ZBTB32: variants seen among roughly 807,000 people sequenced by gnomAD.
ZBTB32 encodes the protein zinc finger and BTB domain-containing protein 32.
In ZBTB32, 28 loss-of-function variants were observed where a neutral mutation model predicts 45.3. That is an observed-to-expected ratio of 0.62 (90% confidence interval 0.46 to 0.85). ZBTB32 has a LOEUF of 0.85. ZBTB32 is among the 40% of genes least tolerant of loss of function. The probability of loss-of-function intolerance (pLI) is 0.00; values close to 1 mark genes in which losing one functional copy is unlikely to be tolerated. For missense variants in ZBTB32, 587 were observed against 624.4 expected (o/e 0.94, Z 0.64); for synonymous variants, 283 against 255.7 (o/e 1.11, Z -1.02).
At chr19:35,710,710 G>A (rs1023423120) in intron 1 of ZBTB32, among the ~76,000 whole-genome samples, 2 of 152,254 alleles carry the variant, frequency 1.3e-5, no homozygotes, top group African/African-American at 2.4e-5. Context: ...CCGAGATGGC[G>A]CCACTGCACT....
Position 35,704,934 on chromosome 19 carries a change from G to A in ZBTB32, c.-222+311G>A, listed in dbSNP as rs577350846. On this transcript the variant is annotated intron_variant, in intron 1 of 6. Transcript: ENST00000392197. Reference sequence around the variant, plus strand: ...TAACTCTGCATGAGGTATGGCCTCCGGACAATGAGAGCTTATCAAGGGTCT... The same window carrying A: ...TAACTCTGCATGAGGTATGGCCTCCAGACAATGAGAGCTTATCAAGGGTCT... Among the ~76,000 whole-genome samples, 759 of 152,334 alleles carry A rather than the reference G, an allele frequency of 5.0e-3. 3 individuals carry two copies. The highest frequency in any genetic ancestry group is 8.2e-3 in the Non-Finnish European group (557 of 68,036).
chr19:35,716,237 G>C lies in ZBTB32; in HGVS notation c.1129G>C (p.Val377Leu). The stretch of plus-strand genomic sequence containing the variant: ...TCGGTCTCGGCCCTATGCGTGCTCT[G>C]TCTGTGGAAAGAGGTTTTCACTCAA... Reference protein sequence around the residue: ...PARSRPYACSVCGKRFSLKHQ... With the variant: ...PARSRPYACSLCGKRFSLKHQ... Residue 377 changes from valine (V) to leucine (L), a missense_variant, in exon 6 of 7, where the codon GTC (valine) becomes CTC (leucine). Val to Leu is a conservative substitution (Grantham distance 32, BLOSUM62 1). Transcript: ENST00000392197. The C allele has an allele frequency of 6.2e-7, 1 of 1,613,906 alleles. No individual in the cohort carries two copies. Among genetic ancestry groups the C allele is most frequent in the African/African-American group, 1.3e-5 (1 of 75,000 alleles).
intron 1 of ZBTB32, among the ~76,000 whole-genome samples, chr19:35,710,669 G>A (rs145186572): frequency 3.9e-5 from 6 of 152,236 alleles, no homozygotes; most frequent in East Asian, 1.9e-4. Flanking sequence ...CACAAGAGTC[G>A]CTTGAACCCA....
intron 1 of ZBTB32, among the ~76,000 whole-genome samples, chr19:35,710,439 G>C (rs1481246014): frequency 2.0e-5 from 3 of 151,924 alleles, no homozygotes; most frequent in Non-Finnish European, 2.9e-5. Flanking sequence ...AGGAAGGGGG[G>C]GCAAGGTTTT....
chr19:35,705,500 T>C (rs1257237585), intron 1 of ZBTB32, among the ~76,000 whole-genome samples: 3 of 152,100 alleles, frequency 2.0e-5, no homozygotes, highest in Non-Finnish European at 4.4e-5. Context: ...GGTTGGATGA[T>C]GTGGCCAAGA....
At chr19:35,709,253 A>T (rs2146411395) in intron 1 of ZBTB32, among the ~76,000 whole-genome samples, 1 of 152,298 alleles carries the variant, frequency 6.6e-6, no homozygotes, top group South Asian at 2.1e-4. Context: ...GAGTTCACAG[A>T]ATTTTTCTAA....
intron 1 of ZBTB32, among the ~76,000 whole-genome samples, chr19:35,708,874 A>G (rs563348054): frequency 1.3e-5 from 2 of 149,832 alleles, no homozygotes; most frequent in African/African-American, 4.9e-5. Context: ...GCTAGAGTGC[A>G]ATGGCGCGAT....
In ZBTB32 at chr19:35,715,250, G is replaced by T; in HGVS notation, c.624G>T (p.Lys208Asn). 6.3e-7 allele frequency: 1 copy of T among 1,596,604 alleles called. No individual in the cohort carries two copies. The highest frequency in any genetic ancestry group is 8.5e-7 in the Non-Finnish European group (1 of 1,173,378). Residue 208 changes from lysine (K) to asparagine (N), a missense_variant, in exon 3 of 7, where the codon AAG (lysine) becomes AAT (asparagine). Lys to Asn is a moderately conservative substitution (Grantham distance 94). Coordinates refer to ENST00000392197, the MANE Select transcript of ZBTB32 (RefSeq NM_014383.3). ...TTGGCCAAAGGGGAGCAGATGGGAAGCATGGAGTGCTCACGTGGTTGAGGG... is the reference window on the plus strand; with the variant it reads ...TTGGCCAAAGGGGAGCAGATGGGAATCATGGAGTGCTCACGTGGTTGAGGG... ...APVGQRGADG[K>N]HGVLTWLREN...
In ZBTB32 at chr19:35,716,116, C is replaced by G; in HGVS notation, c.1025-17C>G. On this transcript the variant is annotated splice_polypyrimidine_tract_variant and intron_variant, in intron 5 of 6. Coordinates refer to ENST00000392197, the MANE Select transcript of ZBTB32 (RefSeq NM_014383.3). Reference sequence around the variant, plus strand: ...GATTCCTGGCCCTGCCCTCCTTTGCCTTCTCTGTCCCCACAGGCGCACTTG... The same window carrying G: ...GATTCCTGGCCCTGCCCTCCTTTGCGTTCTCTGTCCCCACAGGCGCACTTG... 1 of 1,613,140 alleles carries G rather than the reference C, an allele frequency of 6.2e-7. No homozygotes were observed. The highest frequency in any genetic ancestry group is 8.5e-7 in the Non-Finnish European group (1 of 1,179,652).
In ZBTB32 at chr19:35,715,778, C is replaced by T. The variant is rs371144658; in HGVS notation, c.903C>T (p.Ala301=). ...CCAGGATCCCACTGTCCCTAAATGCCCCCAAAGGGCTCTGGAGCCAGAACC... is the reference window on the plus strand; with the variant it reads ...CCAGGATCCCACTGTCCCTAAATGCTCCCAAAGGGCTCTGGAGCCAGAACC... ...REQRIPLSLN[A]PKGLWSQNQL... is the part of the protein sequence containing the mutation. The change falls in exon 4 of 7, where the codon GCC becomes GCT. Residue 301 remains alanine, a synonymous_variant. Coordinates refer to ENST00000392197, the MANE Select transcript of ZBTB32 (RefSeq NM_014383.3). 4 of 1,613,210 alleles carry T rather than the reference C, an allele frequency of 2.5e-6. No homozygotes were observed. The highest frequency in any genetic ancestry group is 2.2e-5 in the South Asian group (2 of 90,992).
chr19:35,707,681 T>G (rs1044497709), intron 1 of ZBTB32, among the ~76,000 whole-genome samples: 8 of 152,198 alleles, frequency 5.3e-5, no homozygotes, highest in African/African-American at 1.7e-4. Context: ...GTCTACCATT[T>G]TCTAATGTCA....
In ZBTB32 at chr19:35,717,014, A is replaced by G. The variant is rs1968939316; in HGVS notation, c.*262A>G. The G allele has an allele frequency of 3.9e-6, 2 of 513,970 alleles. No homozygotes were observed. Among genetic ancestry groups the G allele is most frequent in the Non-Finnish European group, 6.9e-6 (2 of 288,288 alleles). 31.8% of individuals were successfully genotyped at this position (513,970 alleles called of 1,614,324 possible). A position where few individuals can be genotyped will look rare whatever the true frequency, so the allele number is the denominator to read the frequency against. On this transcript the variant is annotated 3_prime_UTR_variant, in exon 7 of 7. Transcript: ENST00000392197. ...GATTGTCGATCTCATCACCATAATA[A>G]AGAGTTTCCTGTGCCCTCCCTTCAG...
In ZBTB32 at chr19:35,716,748, C is replaced by T; in HGVS notation, c.1460C>T (p.Thr487Ile). 1 of 1,599,886 alleles carries T rather than the reference C, an allele frequency of 6.3e-7. No homozygotes were observed. The highest frequency in any genetic ancestry group is 2.3e-5 in the East Asian group (1 of 44,444). Residue 487 changes from threonine (T) to isoleucine (I), a missense_variant, in exon 7 of 7, where the codon ACC becomes ATC. Physicochemically the swap from Thr to Ile is moderately conservative, Grantham distance 89. Coordinates refer to ENST00000392197, the MANE Select transcript of ZBTB32 (RefSeq NM_014383.3). ...TSPCCPSSST[T>I] ...CCCTGTTGTCCTTCTTCCTCCACCA[C>T]CTGACGGGGTGTCGGTAGCGTCTTA...
rs374504265 is a variant in ZBTB32 at position 35,715,649 on chromosome 19, C to G, written c.882-108C>G. On this transcript the variant is annotated intron_variant, in intron 3 of 6. Coordinates refer to ENST00000392197, the MANE Select transcript of ZBTB32 (RefSeq NM_014383.3). ...GAGACAAGAAGCTGCTGCCACAGGG[C>G]ACGCCAAAGCCCAGCCCCCGGGGGA... 8.1e-6 allele frequency: 12 copies of G among 1,473,020 alleles called. No individual in the cohort carries two copies. In the East Asian group the frequency reaches 1.2e-4, roughly 14 times the overall value. 91.2% of individuals were successfully genotyped at this position (1,473,020 alleles called of 1,614,324 possible).
At chr19:35,708,822 C>CTTTTTTT (rs560022559) in intron 1 of ZBTB32, among the ~76,000 whole-genome samples, 3 of 142,166 alleles carry the variant, frequency 2.1e-5, no homozygotes, top group Non-Finnish European at 3.1e-5. Context: ...TTTCTTTTTT[C>CTTTTTTT]TTTTTTTTTT....
intron 1 of ZBTB32, among the ~76,000 whole-genome samples, chr19:35,708,642 G>A (rs1453396898): frequency 1.3e-5 from 2 of 152,138 alleles, no homozygotes; most frequent in African/African-American, 4.8e-5. Context: ...CAAAGTGTGT[G>A]CTATGAAGGG....
intron 3 of ZBTB32, 92 bp from the exon 4 acceptor site, chr19:35,715,665 C>A: frequency 6.7e-7 from 1 of 1,496,840 alleles, no homozygotes; most frequent in Non-Finnish European, 9.0e-7. Context: ...AAAGCCCAGC[C>A]CCCGGGGGAG....
At chr19:35,705,282 C>T (rs1010010251) in intron 1 of ZBTB32, among the ~76,000 whole-genome samples, 3 of 151,956 alleles carry the variant, frequency 2.0e-5, no homozygotes, top group African/African-American at 7.3e-5. Flanking sequence ...CACGCCATTG[C>T]ACTCCAGCCT....
chr19:35,717,027 G>A lies in ZBTB32; in HGVS notation c.*275G>A. 2.0e-6 allele frequency: 1 copy of A among 493,572 alleles called. No homozygotes were observed. The highest frequency in any genetic ancestry group is 3.6e-6 in the Non-Finnish European group (1 of 276,000). 30.6% of individuals were successfully genotyped at this position (493,572 alleles called of 1,614,324 possible). On this transcript the variant is annotated 3_prime_UTR_variant, in exon 7 of 7. Coordinates refer to ENST00000392197, the MANE Select transcript of ZBTB32 (RefSeq NM_014383.3). ...ATCACCATAATAAAGAGTTTCCTGTGCCCTCCCTTCAGGACTAGAAAGCCG... is the reference window on the plus strand; with the variant it reads ...ATCACCATAATAAAGAGTTTCCTGTACCCTCCCTTCAGGACTAGAAAGCCG...
Sources: allele counts gnomAD v4.1 joint callset (sites outside exome capture counted in the v4.1 genomes callset), GRCh38; gene constraint gnomAD v4.1.1; transcripts MANE v1.5; gene names NCBI Gene and HGNC (gene_info 2026-07-23, HGNC 2026-07-21).